The following GALC variants were observed in gnomAD, a reference collection of about 807,000 sequenced individuals.
GALC encodes the protein galactocerebrosidase.
GALC carries 77 observed loss-of-function variants against 91.8 expected under a neutral mutation model. That is an observed-to-expected ratio of 0.84 (90% CI 0.70 to 1.01). The LOEUF is 1.01. Among genes scored for constraint, GALC ranks in the 50% least tolerant of loss-of-function variants. The probability of loss-of-function intolerance (pLI) is 0.00; values close to 1 mark genes in which losing one functional copy is unlikely to be tolerated. For missense variants in GALC, 882 were observed against 855.9 expected, an observed-to-expected ratio of 1.03 and a Z score of -0.38; for synonymous variants, 357 against 306.7, an observed-to-expected ratio of 1.16 and a Z score of -1.71.
chr14:87,934,739 G>A lies in GALC; in HGVS notation c.2051C>T (p.Thr684Ile). ...ATGATGCCCTGTTAAGTATTAGCGTGTGGCTTCCACAAGAAAGTTGTCAAA... is the reference window on the plus strand; with the variant it reads ...ATGATGCCCTGTTAAGTATTAGCGTATGGCTTCCACAAGAAAGTTGTCAAA... ...AQFDNFLVEA[T>I]R Residue 684 changes from threonine (T) to isoleucine (I), a missense_variant, in exon 17 of 17, where the codon ACA (threonine) becomes ATA (isoleucine). By Grantham distance (89) the Thr-to-Ile change is moderately conservative. Coordinates refer to ENST00000261304, the MANE Select transcript of GALC (RefSeq NM_000153.4). 2.5e-6 allele frequency: 4 copies of A among 1,613,214 alleles called. No homozygotes were observed. The highest frequency in any genetic ancestry group is 3.4e-6 in the Non-Finnish European group (4 of 1,179,436).
intron 1 of GALC, chr14:87,992,395 A>C (rs1376766186): frequency 1.3e-6 from 2 of 1,535,670 alleles, no homozygotes; most frequent in East Asian, 4.9e-5. Flanking sequence ...AGAGACCTTG[A>C]GGCACCAGTC....
At chr14:87,955,181 A>G (rs898687270) in intron 10 of GALC, 23 of 1,255,682 alleles carry the variant, frequency 1.8e-5, no homozygotes, top group Non-Finnish European at 2.6e-5. Flanking sequence ...ACTGTAAAGC[A>G]TGGAGCCGAT....
intron 15 of GALC, among the ~76,000 whole-genome samples, chr14:87,940,455 C>T (rs439833): frequency 0.35 from 52,558 of 151,760 alleles, 9,598 homozygotes; most frequent in Non-Finnish European, 0.4. Context: ...AAACCCAGGA[C>T]AAAATTTCAA....
rs1461381844 is a variant in GALC, at chr14:87,934,793, A to G, written c.1997T>C (p.Ile666Thr). ...VNFPKNGWAAIGTHSFEFAQF... is the reference protein window; with the variant it reads ...VNFPKNGWAATGTHSFEFAQF... Reference sequence around the variant, plus strand: ...TGCAAATTCAAAGGAGTGAGTTCCAATTGCAGCCCAGCCATTCTTTGGAAA... The same window carrying G: ...TGCAAATTCAAAGGAGTGAGTTCCAGTTGCAGCCCAGCCATTCTTTGGAAA... Residue 666 changes from isoleucine to threonine, a missense_variant, in exon 17 of 17, where the codon ATT becomes ACT. Physicochemically the swap from Ile to Thr is moderately conservative, Grantham distance 89 (BLOSUM62 -1). Coordinates refer to ENST00000261304, the MANE Select transcript of GALC (RefSeq NM_000153.4). The G allele has an allele frequency of 5.0e-6, 8 of 1,613,136 alleles. No homozygotes were observed. In the East Asian group the frequency reaches 6.7e-5, roughly 13 times the overall value.
chr14:87,934,805 C>A lies in GALC; in HGVS notation c.1985G>T (p.Gly662Val). ...TDIPVNFPKNGWAAIGTHSFE... is the reference protein window; with the variant it reads ...TDIPVNFPKNVWAAIGTHSFE... ...GGAGTGAGTTCCAATTGCAGCCCAG[C>A]CATTCTTTGGAAAATTCACAGGGAT... Residue 662 changes from glycine (G) to valine (V), a missense_variant, in exon 17 of 17, where the codon GGC becomes GTC. Physicochemically the swap from Gly to Val is moderately radical, Grantham distance 109 (BLOSUM62 -3). Coordinates refer to ENST00000261304, the MANE Select transcript of GALC (RefSeq NM_000153.4). The A allele has an allele frequency of 6.2e-7, 1 of 1,613,104 alleles. No homozygotes were observed. The highest frequency in any genetic ancestry group is 8.5e-7 in the Non-Finnish European group (1 of 1,179,346).
chr14:87,952,898 T>G, intron 10 of GALC: 1 of 952,670 alleles, frequency 1.0e-6, no homozygotes, highest in Non-Finnish European at 1.7e-6. Context: ...CTGAAAAGTA[T>G]CAAAAGCTTC....
chr14:87,971,240 C>T (rs1277219986), intron 7 of GALC, among the ~76,000 whole-genome samples: 1 of 152,088 alleles, frequency 6.6e-6, no homozygotes, highest in African/African-American at 2.4e-5. Context: ...CCAGGATCAG[C>T]AGATGGTATA....
chr14:87,961,680 T>C (rs80094596), intron 10 of GALC, among the ~76,000 whole-genome samples: 9,326 of 152,160 alleles, frequency 0.061, 356 homozygotes, highest in Non-Finnish European at 0.077. Context: ...CAACAGGTGC[T>C]CTCCCTATTT....
At chr14:87,936,822 T>C (rs1884587188) in intron 16 of GALC, among the ~76,000 whole-genome samples, 1 of 148,396 alleles carries the variant, frequency 6.7e-6, no homozygotes, top group Non-Finnish European at 1.5e-5. Context: ...CGAATGCTGG[T>C]CTGTCTGGTT....
chr14:87,985,861 C>G lies in GALC; in HGVS notation c.442+628G>C, dbSNP rs201985980. Among the ~76,000 whole-genome samples, 4 of 152,138 alleles carry G rather than the reference C, an allele frequency of 2.6e-5. 1 individual carries two copies. The East Asian group carries it at 7.7e-4, about 29-fold the overall frequency. On this transcript the variant is annotated intron_variant, in intron 4 of 16. Transcript: ENST00000261304. Reference sequence around the variant, plus strand: ...ACATAGTCCCATTTAAGCAACTAGCCAATGATCCTCCCAATAGAACCTAAG... The same window carrying G: ...ACATAGTCCCATTTAAGCAACTAGCGAATGATCCTCCCAATAGAACCTAAG...
At chr14:87,954,612 G>T (rs1474357911) in intron 10 of GALC, 4 of 1,590,862 alleles carry the variant, frequency 2.5e-6, no homozygotes, top group Non-Finnish European at 2.6e-6. Context: ...CCTTCCTTTT[G>T]GAAGATATCA....
rs373343608 is a variant in GALC, at chr14:87,976,471, C to G, written c.639G>C (p.Leu213=). 50 of 1,612,592 alleles carry G rather than the reference C, an allele frequency of 3.1e-5. No individual in the cohort carries two copies. The highest frequency in any genetic ancestry group is 4.0e-5 in the Non-Finnish European group (47 of 1,178,796). ...TCACTCGCTGGAGACCTTGATAATT[C>G]AGCATTTTTCTTAATATCTTTTGGA... is the stretch of plus-strand genomic sequence containing the variant. ...ANYIKILRKM[L]NYQGLQRVKI... Residue 213 remains leucine, a synonymous_variant, in exon 7 of 17, where the codon CTG becomes CTC. Coordinates refer to ENST00000261304, the MANE Select transcript of GALC (RefSeq NM_000153.4).
At chr14:87,953,871 T>A in intron 10 of GALC, 1 of 1,610,154 alleles carries the variant, frequency 6.2e-7, no homozygotes, top group Non-Finnish European at 8.5e-7. Flanking sequence ...AAACATAAAA[T>A]TCGGACCAAA....
Position 87,970,998 on chromosome 14 carries a change from G to C in GALC, c.753-2508C>G, listed in dbSNP as rs550877494. On this transcript the variant is annotated intron_variant, in intron 7 of 16. Coordinates refer to ENST00000261304, the MANE Select transcript of GALC (RefSeq NM_000153.4). ...ACAGACAAAATTAAGATCAATGAAA[G>C]TAAACCAACTTTATAGTTTATCCTA... is the stretch of plus-strand genomic sequence containing the variant. 6.7e-4 allele frequency among the ~76,000 whole-genome samples: 101 copies of C among 151,462 alleles called. 1 individual carries two copies. The highest frequency in any genetic ancestry group is 2.3e-3 in the African/African-American group (94 of 41,212).
intron 16 of GALC, among the ~76,000 whole-genome samples, chr14:87,935,963 ACAT>A (rs1205653704): frequency 6.6e-6 from 1 of 152,006 alleles, no homozygotes; most frequent in African/African-American, 2.4e-5. Context: ...TGCTTACTGA[ACAT>A]CTTCTGCTGC....
intron 5 of GALC, among the ~76,000 whole-genome samples, chr14:87,982,951 G>C (rs945053697): frequency 1.3e-5 from 2 of 152,118 alleles, no homozygotes; most frequent in African/African-American, 4.8e-5. Flanking sequence ...AACAAGATGT[G>C]AATCACCCAT....
At chr14:87,950,897 T>G in intron 10 of GALC, 149 bp from the exon 11 acceptor site, 1 of 600,218 alleles carries the variant, frequency 1.7e-6, no homozygotes, top group Non-Finnish European at 3.0e-6. Flanking sequence ...AAAGACTTTT[T>G]TACAATATAA....
At chr14:87,953,818 A>G in intron 10 of GALC, 1 of 1,608,262 alleles carries the variant, frequency 6.2e-7, no homozygotes, top group Non-Finnish European at 8.5e-7. Flanking sequence ...CAGAAGTATG[A>G]TTGTTTAGTC....
chr14:87,947,963 A>G, intron 12 of GALC, 85 bp from the exon 13 acceptor site: 31 of 1,236,222 alleles, frequency 2.5e-5, no homozygotes, highest in Non-Finnish European at 3.4e-5. Context: ...AAATTAGCTT[A>G]AAGAAAAGTC....
Sources: gnomAD v4.1 joint callset for allele counts (sites outside exome capture counted in the v4.1 genomes callset) on GRCh38, gnomAD v4.1.1 for gene constraint, MANE v1.5 for transcripts, NCBI Gene and HGNC (gene_info 2026-07-23, HGNC 2026-07-21) for gene names.